Variants in VGLL3 observed in about 807,000 individuals in gnomAD.
The protein encoded by VGLL3 is vestigial like family member 3, also known as transcription cofactor vestigial-like protein 3.
A neutral mutation model predicts 29.2 loss-of-function variants in VGLL3; 18 were observed. The ratio of observed to expected loss-of-function variants is 0.62; its 90% confidence interval spans 0.43 to 0.91. The LOEUF (loss-of-function observed/expected upper bound fraction) is 0.91, where lower values mean the gene tolerates loss of function less well. Ranked by LOEUF, VGLL3 falls within the 40% of genes least tolerant of loss-of-function variation. The pLI, the probability that VGLL3 is intolerant of heterozygous loss-of-function variation, is 0.00. For synonymous variants in VGLL3, 180 were observed against 151.8 expected (o/e 1.19, Z -1.36); for missense variants, 440 against 413.2 (o/e 1.06, Z -0.56).
At chr3:86,968,555 T>C in intron 3 of VGLL3, 35 bp downstream of exon 3, 1 of 1,556,900 alleles carries the variant, frequency 6.4e-7, no homozygotes, top group Non-Finnish European at 8.7e-7. Context: ...ATTAACTTTA[T>C]CTTGTTATAG....
chr3:86,976,904 T>C (rs536931640), intron 2 of VGLL3, among the ~76,000 whole-genome samples: 44 of 152,330 alleles, frequency 2.9e-4, no homozygotes, highest in African/African-American at 1.0e-3. Flanking sequence ...TATCAAATTA[T>C]TTATTAAAGC....
At chr3:86,983,342 C>T (rs1264203685) in intron 1 of VGLL3, among the ~76,000 whole-genome samples, 2 of 152,098 alleles carry the variant, frequency 1.3e-5, no homozygotes, top group Non-Finnish European at 2.9e-5. Context: ...TCATAGAGGA[C>T]ATAAAAGCAG....
At chr3:86,967,996 A>G (rs1441508730) in intron 3 of VGLL3, among the ~76,000 whole-genome samples, 1 of 152,132 alleles carries the variant, frequency 6.6e-6, no homozygotes, top group Non-Finnish European at 1.5e-5. Context: ...GAGGAGAGGA[A>G]CAAAGGAGGA....
intron 2 of VGLL3, among the ~76,000 whole-genome samples, chr3:86,978,253 C>T (rs1193605582): frequency 6.6e-6 from 1 of 152,152 alleles, no homozygotes; most frequent in Non-Finnish European, 1.5e-5. Flanking sequence ...AATGGTACTT[C>T]GCAGCTCAGT....
intron 3 of VGLL3, among the ~76,000 whole-genome samples, chr3:86,963,258 A>C (rs970531154): frequency 3.4e-4 from 52 of 152,208 alleles, no homozygotes; most frequent in African/African-American, 1.3e-3. Flanking sequence ...ACCTAGCCCC[A>C]AAAAAGAATG....
At chr3:86,972,829 C>A (rs553839863) in intron 2 of VGLL3, among the ~76,000 whole-genome samples, 60 of 152,254 alleles carry the variant, frequency 3.9e-4, no homozygotes, top group Admixed American at 7.2e-4. Flanking sequence ...AAATGCCCAA[C>A]TGTAATTTTG....
At chr3:86,951,878 C>T (rs982132988) in intron 3 of VGLL3, among the ~76,000 whole-genome samples, 4 of 152,130 alleles carry the variant, frequency 2.6e-5, no homozygotes, top group Non-Finnish European at 5.9e-5. Flanking sequence ...AGATGAGCGT[C>T]TTGCAGGGAT....
At chr3:86,962,281 T>A in intron 3 of VGLL3, 3 of 985,470 alleles carry the variant, frequency 3.0e-6, no homozygotes, top group Non-Finnish European at 3.6e-6. Flanking sequence ...AAGAGTGAGC[T>A]CGCATGACAG....
rs763014595 is a variant in VGLL3 at position 86,968,854 on chromosome 3, C to A, written c.673G>T (p.Val225Leu). The change falls in exon 3 of 4, where the codon GTG (valine) becomes TTG (leucine). Residue 225 changes from valine to leucine, a missense_variant. Physicochemically the swap from Val to Leu is conservative, Grantham distance 32. Transcript: ENST00000398399. ...VSPSYSHMHDVYMRHHHPHAH... is the reference protein window; with the variant it reads ...VSPSYSHMHDLYMRHHHPHAH... ...TGAGGGTGGTGGTGCCGCATGTACA[C>A]GTCATGCATATGGCTGTAGGATGGG... The A allele has an allele frequency of 6.2e-7, 1 of 1,614,088 alleles. No individual in the cohort carries two copies. Among genetic ancestry groups the A allele is most frequent in the Admixed American group, 1.7e-5 (1 of 60,008 alleles).
intron 3 of VGLL3, among the ~76,000 whole-genome samples, chr3:86,952,013 A>C (rs1704628074): frequency 6.6e-6 from 1 of 152,170 alleles, no homozygotes; most frequent in South Asian, 2.1e-4. Flanking sequence ...GGTATATTGG[A>C]AACAGCAGTC....
chr3:86,939,327 A>G lies in VGLL3; in HGVS notation c.*7697T>C, dbSNP rs1462447355. On this transcript the variant is annotated 3_prime_UTR_variant, in exon 4 of 4. Coordinates refer to ENST00000398399, the MANE Select transcript of VGLL3 (RefSeq NM_016206.4). The stretch of plus-strand genomic sequence containing the variant: ...GTACATGGAAAAAGGGCCTTTAAAG[A>G]TGTAATTAAGAACCTTGAGCATGGC... 1 of 152,212 alleles carries G rather than the reference A, an allele frequency of 6.6e-6. No individual in the cohort carries two copies. Among genetic ancestry groups the G allele is most frequent in the African/African-American group, 2.4e-5 (1 of 41,454 alleles). 9.4% of individuals were successfully genotyped at this position (152,212 alleles called of 1,614,324 possible).
At chr3:86,984,044 A>C (rs1004601280) in intron 1 of VGLL3, among the ~76,000 whole-genome samples, 2 of 152,234 alleles carry the variant, frequency 1.3e-5, no homozygotes, top group African/African-American at 4.8e-5. Context: ...AACAGAAAAC[A>C]TCAGTCAGCA....
chr3:86,970,812 C>T (rs1705084400), intron 2 of VGLL3, among the ~76,000 whole-genome samples: 1 of 152,118 alleles, frequency 6.6e-6, no homozygotes, highest in Admixed American at 6.5e-5. Flanking sequence ...CCAAGGAGCC[C>T]AGCTCTGATC....
In VGLL3 at chr3:86,990,819, G is replaced by C. The variant is rs2107088104; in HGVS notation, c.-76C>G. The C allele has an allele frequency of 8.3e-7, 1 of 1,201,332 alleles. No individual in the cohort carries two copies. Among genetic ancestry groups the C allele is most frequent in the African/African-American group, 1.6e-5 (1 of 62,524 alleles). The allele number at this position is 1,201,332 out of a possible 1,614,324, so 74.4% of individuals were successfully genotyped here. On this transcript the variant is annotated 5_prime_UTR_variant, in exon 1 of 4. Coordinates refer to ENST00000398399, the MANE Select transcript of VGLL3 (RefSeq NM_016206.4). ...TGGCGCGAGGGGCGCGGGCGCCGCC[G>C]CCGCCGCAGCTGCCGCCTCTGTCGC...
At chr3:86,960,108 C>T (rs959731038) in intron 3 of VGLL3, among the ~76,000 whole-genome samples, 4 of 151,964 alleles carry the variant, frequency 2.6e-5, no homozygotes, top group Non-Finnish European at 5.9e-5. Context: ...TAGTGCCAAC[C>T]GTCATAATCT....
At chr3:86,968,552 T>C in intron 3 of VGLL3, 38 bp downstream of exon 3, 1 of 1,553,068 alleles carries the variant, frequency 6.4e-7, no homozygotes, top group Non-Finnish European at 8.7e-7. Flanking sequence ...TAAATTAACT[T>C]TATCTTGTTA....
intron 3 of VGLL3, among the ~76,000 whole-genome samples, chr3:86,957,506 G>A (rs1704747536): frequency 6.6e-6 from 1 of 152,150 alleles, no homozygotes; most frequent in Non-Finnish European, 1.5e-5. Context: ...GAAAACACAA[G>A]CTCATTGGGT....
rs540749051 is a variant in VGLL3, at chr3:86,940,849, CTTTT to C, written c.*6171_*6174del. The C allele has an allele frequency of 6.6e-6, 1 of 152,090 alleles. No homozygotes were observed. The highest frequency in any genetic ancestry group is 2.4e-5 in the African/African-American group (1 of 41,376). 9.4% of individuals were successfully genotyped at this position (152,090 alleles called of 1,614,324 possible). A position where few individuals can be genotyped will look rare whatever the true frequency, so the allele number is the denominator to read the frequency against. ...AAAGCCAAAAGTTTTATGAATTATACTTTTTTTATTAGTTAAAAATGACAGCATA... is the reference window on the plus strand; with the variant it reads ...AAAGCCAAAAGTTTTATGAATTATACTTTATTAGTTAAAAATGACAGCATA... On this transcript the variant is annotated 3_prime_UTR_variant, in exon 4 of 4. Transcript: ENST00000398399.
intron 3 of VGLL3, chr3:86,962,800 G>A (rs1333160099): frequency 7.2e-6 from 2 of 277,596 alleles, no homozygotes; most frequent in Non-Finnish European, 5.3e-6. Context: ...GGTGGATCAC[G>A]AGGTCAGGAG....
Sources: gnomAD v4.1 joint callset for allele counts (sites outside exome capture counted in the v4.1 genomes callset) on GRCh38, gnomAD v4.1.1 for gene constraint, MANE v1.5 for transcripts, NCBI Gene and HGNC (gene_info 2026-07-23, HGNC 2026-07-21) for gene names.